Variants in ADK observed in about 807,000 individuals in gnomAD.
ADK encodes adenosine kinase.
Under a neutral mutation model 44.7 loss-of-function variants are expected in ADK, and 24 were observed. The observed-to-expected ratio is 0.54, with a 90% CI of 0.39 to 0.76. The LOEUF (loss-of-function observed/expected upper bound fraction) is 0.76, where lower values mean the gene tolerates loss of function less well. ADK is among the 30% of genes least tolerant of loss of function. The pLI, the probability that ADK is intolerant of heterozygous loss-of-function variation, is 0.00. For missense variants in ADK, 321 were observed against 425.1 expected (o/e 0.76, Z 2.15); for synonymous variants, 128 against 142.6 (o/e 0.90, Z 0.73).
intron 3 of ADK, among the ~76,000 whole-genome samples, chr10:74,281,549 T>C (rs1846936726): frequency 6.6e-6 from 1 of 152,196 alleles, no homozygotes; most frequent in Admixed American, 6.5e-5. Flanking sequence ...AGGAAAGAAC[T>C]TAGGTCCATG....
chr10:74,404,445 C>T (rs1843836061), intron 6 of ADK, among the ~76,000 whole-genome samples: 1 of 152,032 alleles, frequency 6.6e-6, no homozygotes, highest in Non-Finnish European at 1.5e-5. Flanking sequence ...TCTTTAACAT[C>T]TCTTGTATTT....
chr10:74,342,779 T>TTGTGTGTGTGTGTGTGTGTGTGTGTGTG (rs757212421), intron 4 of ADK, among the ~76,000 whole-genome samples: 83 of 141,410 alleles, frequency 5.9e-4, no homozygotes, highest in Admixed American at 4.2e-3. Flanking sequence ...CTAGCTCAGT[T>TTGTGTGTGTGTGTGTGTGTGTGTGTGTG]TGTGTGTGTG....
At chr10:74,596,010 A>AC (rs796450504) in intron 8 of ADK, among the ~76,000 whole-genome samples, 1 of 150,504 alleles carries the variant, frequency 6.6e-6, no homozygotes, top group African/African-American at 2.5e-5. Context: ...AAAAAAAAAA[A>AC]AAAAAACCAC....
chr10:74,670,961 T>G (rs1855148859), intron 10 of ADK, among the ~76,000 whole-genome samples: 1 of 149,130 alleles, frequency 6.7e-6, no homozygotes, highest in Admixed American at 6.8e-5. Context: ...AAGCTTTCGC[T>G]TCCTCACAGA....
intron 4 of ADK, among the ~76,000 whole-genome samples, chr10:74,357,460 A>AT (rs536915870): frequency 0.049 from 6,556 of 134,476 alleles, 524 homozygotes; most frequent in African/African-American, 0.17. Flanking sequence ...ATACCCAGTG[A>AT]TTTTTTTTTT....
At chr10:74,588,016 C>T (rs563386640) in intron 7 of ADK, among the ~76,000 whole-genome samples, 21 of 151,718 alleles carry the variant, frequency 1.4e-4, no homozygotes, top group African/African-American at 4.6e-4. Flanking sequence ...CTGTTTTTAC[C>T]CTGTCATCTT....
Position 74,234,139 on chromosome 10 carries a change from G to C in ADK, c.194+9548G>C, listed in dbSNP as rs539041597. ...CTTAAGGGTTGAGTCAGACCTTTTG[G>C]GAATGATATAGACTTGGGGGTCTTG... On this transcript the variant is annotated intron_variant, in intron 3 of 10. Transcript: ENST00000539909. 1.5e-3 allele frequency among the ~76,000 whole-genome samples: 224 copies of C among 152,252 alleles called. 1 individual carries two copies. The highest frequency in any genetic ancestry group is 5.3e-3 in the African/African-American group (219 of 41,548).
At chr10:74,204,907 G>A (rs1229194676) in intron 2 of ADK, among the ~76,000 whole-genome samples, 1 of 151,750 alleles carries the variant, frequency 6.6e-6, no homozygotes, top group Non-Finnish European at 1.5e-5. Flanking sequence ...AGGTGTGATG[G>A]CACGCACCTG....
intron 3 of ADK, among the ~76,000 whole-genome samples, chr10:74,230,217 A>C (rs1315635175): frequency 3.3e-5 from 5 of 152,040 alleles, no homozygotes; most frequent in African/African-American, 1.2e-4. Flanking sequence ...TTTTAAAAAT[A>C]TCATAAACAT....
At chr10:74,196,377 T>A (rs1307144347) in intron 1 of ADK, among the ~76,000 whole-genome samples, 1 of 151,902 alleles carries the variant, frequency 6.6e-6, no homozygotes, top group Non-Finnish European at 1.5e-5. Context: ...CCATCTCTAC[T>A]AAAAATACAG....
At chr10:74,366,144 A>G (rs1842490542) in intron 4 of ADK, among the ~76,000 whole-genome samples, 1 of 152,182 alleles carries the variant, frequency 6.6e-6, no homozygotes, top group East Asian at 1.9e-4. Context: ...AAGCAGAGCC[A>G]TATTTTGACT....
intron 6 of ADK, among the ~76,000 whole-genome samples, chr10:74,465,250 A>C (rs887882080): frequency 6.6e-6 from 1 of 152,216 alleles, no homozygotes; most frequent in Non-Finnish European, 1.5e-5. Flanking sequence ...TAGCAAGTAT[A>C]AAGTCTCTAT....
intron 3 of ADK, among the ~76,000 whole-genome samples, chr10:74,302,012 T>C (rs904149239): frequency 6.6e-6 from 1 of 151,782 alleles, no homozygotes; most frequent in East Asian, 1.9e-4. Flanking sequence ...TCTCCTATAG[T>C]AACTGAATGA....
intron 4 of ADK, among the ~76,000 whole-genome samples, chr10:74,322,814 C>G (rs1444651563): frequency 1.3e-5 from 2 of 151,328 alleles, no homozygotes; most frequent in Non-Finnish European, 2.9e-5. Context: ...ATCTCTTTCC[C>G]TTCTCCTCCT....
At chr10:74,640,872 A>T (rs1161093322) in intron 9 of ADK, among the ~76,000 whole-genome samples, 1 of 152,234 alleles carries the variant, frequency 6.6e-6, no homozygotes, top group African/African-American at 2.4e-5. Context: ...GATGAATAGG[A>T]TATAATTCTT....
chr10:74,558,633 T>G (rs1403542633), intron 7 of ADK, among the ~76,000 whole-genome samples: 1 of 152,216 alleles, frequency 6.6e-6, no homozygotes, highest in African/African-American at 2.4e-5. Flanking sequence ...ATGAGTCAAC[T>G]AAACCTCTTT....
chr10:74,418,467 A>G (rs1844448446), intron 6 of ADK, among the ~76,000 whole-genome samples: 1 of 152,238 alleles, frequency 6.6e-6, no homozygotes, highest in African/African-American at 2.4e-5. Context: ...AATGTTGAAC[A>G]GGAGCCAAAT....
At chr10:74,333,268 A>G (rs1168693217) in intron 4 of ADK, among the ~76,000 whole-genome samples, 2 of 152,218 alleles carry the variant, frequency 1.3e-5, no homozygotes, top group African/African-American at 4.8e-5. Context: ...TGTCACATTA[A>G]AAATATGGCA....
intron 4 of ADK, among the ~76,000 whole-genome samples, chr10:74,319,856 G>T (rs1176985693): frequency 2.6e-5 from 4 of 152,034 alleles, no homozygotes; most frequent in Admixed American, 6.5e-5. Flanking sequence ...CAAACACTCT[G>T]CTCCTTTACA....
Sources: gnomAD v4.1 joint callset for allele counts (sites outside exome capture counted in the v4.1 genomes callset) on GRCh38, gnomAD v4.1.1 for gene constraint, MANE v1.5 for transcripts, NCBI Gene and HGNC (gene_info 2026-07-23, HGNC 2026-07-21) for gene names.